DLG2: variants seen among roughly 807,000 people sequenced by gnomAD.
The protein encoded by DLG2 is discs large MAGUK scaffold protein 2, also known as disks large homolog 2.
A neutral mutation model predicts 132.5 loss-of-function variants in DLG2; 45 were observed. The ratio of observed to expected loss-of-function variants is 0.34; its 90% CI spans 0.27 to 0.44. The LOEUF (loss-of-function observed/expected upper bound fraction) is 0.44. DLG2 is among the 20% of genes least tolerant of loss of function. The pLI is 1.00. For missense variants in DLG2, 1,045 were observed against 1,196.9 expected, an observed-to-expected ratio of 0.87 and a Z score of 1.87; for synonymous variants, 424 against 419.6, an observed-to-expected ratio of 1.01 and a Z score of -0.13.
At chr11:83,829,132 G>C (rs2053746206) in intron 17 of DLG2, among the ~76,000 whole-genome samples, 3 of 149,740 alleles carry the variant, frequency 2.0e-5, no homozygotes, top group African/African-American at 7.4e-5. Flanking sequence ...CTACATTATT[G>C]TTAACATGAC....
chr11:83,479,593 T>G (rs1328263199), intron 22 of DLG2, among the ~76,000 whole-genome samples: 3 of 152,056 alleles, frequency 2.0e-5, no homozygotes, highest in Admixed American at 2.0e-4. Flanking sequence ...AACCAGTAAG[T>G]AAGTAGGTGG....
Position 83,457,783 on chromosome 11 carries a change from A to G in DLG2, c.*2035T>C, listed in dbSNP as rs988815182. The G allele has an allele frequency of 2.0e-5, 3 of 152,636 alleles. No individual in the cohort carries two copies. The highest frequency in any genetic ancestry group is 2.4e-5 in the African/African-American group (1 of 41,452). 9.5% of individuals were successfully genotyped at this position (152,636 alleles called of 1,614,324 possible). On this transcript the variant is annotated 3_prime_UTR_variant, in exon 28 of 28. Coordinates refer to ENST00000376104, the MANE Select transcript of DLG2 (RefSeq NM_001142699.3). ...GACCTGAAACTGGCGAATTGCAGAC[A>G]TGGACATATCTTTAACATTTTGAGC...
At chr11:83,580,892 TC>T (rs1317291099) in intron 19 of DLG2, among the ~76,000 whole-genome samples, 6 of 87,020 alleles carry the variant, frequency 6.9e-5, no homozygotes, top group Admixed American at 2.4e-4. Context: ...TCCTCTCCCC[TC>T]CCTTCCCCTC....
chr11:85,612,981 G>C (rs1485735660), intron 2 of DLG2, among the ~76,000 whole-genome samples: 1 of 152,158 alleles, frequency 6.6e-6, no homozygotes, highest in Non-Finnish European at 1.5e-5. Context: ...GAGAAAGGAG[G>C]ACTCTGCACC....
chr11:84,376,478 G>T (rs11234002), intron 7 of DLG2, among the ~76,000 whole-genome samples: 199 of 152,012 alleles, frequency 1.3e-3, no homozygotes, highest in African/African-American at 4.6e-3. Context: ...AAAGGACTGA[G>T]AAATTCAATT....
intron 22 of DLG2, among the ~76,000 whole-genome samples, chr11:83,483,635 A>T (rs1171557194): frequency 1.3e-5 from 2 of 152,176 alleles, no homozygotes; most frequent in Non-Finnish European, 2.9e-5. Flanking sequence ...TTCATAGCAA[A>T]TTCTAAATGA....
chr11:84,268,741 G>T (rs1026739301), intron 7 of DLG2, among the ~76,000 whole-genome samples: 2 of 152,210 alleles, frequency 1.3e-5, no homozygotes, highest in Non-Finnish European at 2.9e-5. Flanking sequence ...GATAACAGAC[G>T]TGAGCCACCG....
intron 7 of DLG2, among the ~76,000 whole-genome samples, chr11:84,370,141 C>T (rs1178743756): frequency 1.3e-5 from 2 of 152,122 alleles, no homozygotes; most frequent in African/African-American, 4.8e-5. Flanking sequence ...TGCACTTCCT[C>T]ATATGCATAT....
Position 84,972,230 on chromosome 11 carries a change from A to G in DLG2, c.357+139431T>C, listed in dbSNP as rs77542147. On this transcript the variant is annotated intron_variant, in intron 6 of 27. Transcript: ENST00000376104. The stretch of plus-strand genomic sequence containing the variant: ...AGCCTCACTAAAGACCACAAGATTT[A>G]TGAGGCCTCATGGTCATTGGGCTTG... 7.3e-3 allele frequency among the ~76,000 whole-genome samples: 1,108 copies of G among 152,296 alleles called. 13 individuals are homozygous for G. Among genetic ancestry groups the G allele is most frequent in the African/African-American group, 0.025 (1,054 of 41,566 alleles).
chr11:83,513,946 T>G (rs1312191422), intron 21 of DLG2, among the ~76,000 whole-genome samples: 1 of 152,214 alleles, frequency 6.6e-6, no homozygotes, highest in East Asian at 1.9e-4. Context: ...GTAGTATAGT[T>G]TGAAGTCAGG....
At chr11:83,540,134 G>A (rs1031667775) in intron 20 of DLG2, among the ~76,000 whole-genome samples, 1 of 152,104 alleles carries the variant, frequency 6.6e-6, no homozygotes, top group Admixed American at 6.6e-5. Context: ...TATCTTTGGG[G>A]CCATAATTCA....
At chr11:85,539,772 G>C (rs55923329) in intron 3 of DLG2, among the ~76,000 whole-genome samples, 6 of 152,156 alleles carry the variant, frequency 3.9e-5, no homozygotes, top group African/African-American at 1.4e-4. Context: ...AGAGTTTGAC[G>C]TGTCTGTAGT....
At chr11:84,393,011 T>A (rs1322122927) in intron 7 of DLG2, among the ~76,000 whole-genome samples, 1 of 152,216 alleles carries the variant, frequency 6.6e-6, no homozygotes, top group Admixed American at 6.5e-5. Context: ...ACATTGGTAC[T>A]CATGCATTTC....
chr11:85,373,934 G>T (rs1191510693), intron 3 of DLG2, among the ~76,000 whole-genome samples: 1 of 152,136 alleles, frequency 6.6e-6, no homozygotes, highest in Non-Finnish European at 1.5e-5. Context: ...GTGGATCAGT[G>T]GAGGATATTA....
chr11:84,037,503 A>G (rs2095900003), intron 11 of DLG2, among the ~76,000 whole-genome samples: 1 of 152,154 alleles, frequency 6.6e-6, no homozygotes, highest in Non-Finnish European at 1.5e-5. Flanking sequence ...GACTGTTTAT[A>G]TAACATATTG....
chr11:85,343,969 A>C (rs1284424013), intron 3 of DLG2, among the ~76,000 whole-genome samples: 1 of 152,202 alleles, frequency 6.6e-6, no homozygotes, highest in Non-Finnish European at 1.5e-5. Flanking sequence ...CAGATTTGAA[A>C]AAGTGGATGT....
At chr11:85,398,917 A>G (rs950571383) in intron 3 of DLG2, among the ~76,000 whole-genome samples, 3 of 151,684 alleles carry the variant, frequency 2.0e-5, no homozygotes, top group African/African-American at 7.2e-5. Context: ...TTCCAACACT[A>G]TGTTCTGGCC....
In DLG2 at chr11:85,438,404, T is replaced by G. The variant is rs146664310; in HGVS notation, c.41-153039A>C. On this transcript the variant is annotated intron_variant, in intron 3 of 27. Coordinates refer to ENST00000376104, the MANE Select transcript of DLG2 (RefSeq NM_001142699.3). Reference sequence around the variant, plus strand: ...TCTTTATTTTCTACAGGAATATTCATGCCCTGATATATTTTAAAATTAAAA... The same window carrying G: ...TCTTTATTTTCTACAGGAATATTCAGGCCCTGATATATTTTAAAATTAAAA... 4.8e-3 allele frequency among the ~76,000 whole-genome samples: 725 copies of G among 152,324 alleles called. 3 individuals are homozygous for G. The highest frequency in any genetic ancestry group is 0.016 in the African/African-American group (659 of 41,568).
chr11:83,664,817 G>A (rs541661434), intron 18 of DLG2, among the ~76,000 whole-genome samples: 1 of 152,160 alleles, frequency 6.6e-6, no homozygotes, highest in African/African-American at 2.4e-5. Flanking sequence ...TTCTGGAAAG[G>A]TCCTCTTCTG....
Sources: allele counts gnomAD v4.1 joint callset (sites outside exome capture counted in the v4.1 genomes callset), GRCh38; gene constraint gnomAD v4.1.1; transcripts MANE v1.5; gene names NCBI Gene and HGNC (gene_info 2026-07-23, HGNC 2026-07-21).